The following SLC25A21 variants were observed in gnomAD, a reference collection of about 807,000 sequenced individuals.
SLC25A21 encodes solute carrier family 25 member 21.
SLC25A21 carries 47 observed loss-of-function variants against 43.8 expected under a neutral mutation model. The ratio of observed to expected loss-of-function variants is 1.07; its 90% CI spans 0.85 to 1.37. SLC25A21 has a LOEUF of 1.37. Among genes scored for constraint, SLC25A21 ranks in the 40% most tolerant of loss-of-function variants. SLC25A21 has a pLI of 0.00. For synonymous variants in SLC25A21, 131 were observed against 121.3 expected (o/e 1.08, Z -0.52); for missense variants, 352 against 350.2 (o/e 1.00, Z -0.04).
rs1328598987 is a variant in SLC25A21 at position 36,997,375 on chromosome 14, T to C, written c.71-122371A>G. Among the ~76,000 whole-genome samples, 8 of 151,146 alleles carry C rather than the reference T, an allele frequency of 5.3e-5. 1 individual carries two copies. Among genetic ancestry groups the C allele is most frequent in the Admixed American group, 2.0e-4 (3 of 15,154 alleles). Reference sequence around the variant, plus strand: ...CAGGTGAGACTGAGGAGATGCTTTATGTTCAGCTGAGGATAACAAGTACAG... The same window carrying C: ...CAGGTGAGACTGAGGAGATGCTTTACGTTCAGCTGAGGATAACAAGTACAG... On this transcript the variant is annotated intron_variant, in intron 1 of 9. Transcript: ENST00000331299.
intron 2 of SLC25A21, among the ~76,000 whole-genome samples, chr14:36,863,359 C>T (rs1409403974): frequency 1.3e-5 from 2 of 151,998 alleles, no homozygotes; most frequent in East Asian, 3.9e-4. Context: ...GGAAAAATAG[C>T]TACTATACTC....
At chr14:36,934,739 AGAAAAG>A (rs1183872244) in intron 1 of SLC25A21, among the ~76,000 whole-genome samples, 10 of 151,988 alleles carry the variant, frequency 6.6e-5, no homozygotes, top group Non-Finnish European at 5.9e-5. Flanking sequence ...AGAGAGAGAG[AGAAAAG>A]AAGAAGGGCT....
intron 6 of SLC25A21, among the ~76,000 whole-genome samples, chr14:36,722,505 C>T (rs1884415838): frequency 6.6e-6 from 1 of 152,094 alleles, no homozygotes; most frequent in Non-Finnish European, 1.5e-5. Context: ...GGATGTTGAT[C>T]ATGGGGAAGA....
intron 1 of SLC25A21, among the ~76,000 whole-genome samples, chr14:37,094,311 G>C (rs1455005365): frequency 6.6e-6 from 1 of 152,136 alleles, no homozygotes; most frequent in Non-Finnish European, 1.5e-5. Context: ...GCAACAATCA[G>C]ACACAAAAAG....
chr14:37,052,920 G>A (rs1483659713), intron 1 of SLC25A21, among the ~76,000 whole-genome samples: 1 of 152,182 alleles, frequency 6.6e-6, no homozygotes, highest in Non-Finnish European at 1.5e-5. Flanking sequence ...TTACAGGTAT[G>A]AGCCTTTGCA....
chr14:36,928,779 T>C (rs1443583373), intron 1 of SLC25A21, among the ~76,000 whole-genome samples: 5 of 152,172 alleles, frequency 3.3e-5, no homozygotes, highest in Admixed American at 1.3e-4. Flanking sequence ...TCCTAAAATG[T>C]ACCCCATTTT....
chr14:36,917,193 GC>G (rs1891853788), intron 1 of SLC25A21, among the ~76,000 whole-genome samples: 1 of 151,944 alleles, frequency 6.6e-6, no homozygotes, highest in Admixed American at 6.6e-5. Flanking sequence ...TTCAGTGGTT[GC>G]CAAACACTTA....
chr14:37,076,734 T>G (rs1230835210), intron 1 of SLC25A21, among the ~76,000 whole-genome samples: 4 of 152,154 alleles, frequency 2.6e-5, no homozygotes, highest in African/African-American at 9.7e-5. Flanking sequence ...TCTGCCCACC[T>G]CGGCCTCCCA....
chr14:36,951,373 T>C (rs1419371515), intron 1 of SLC25A21, among the ~76,000 whole-genome samples: 1 of 152,144 alleles, frequency 6.6e-6, no homozygotes, highest in East Asian at 1.9e-4. Flanking sequence ...AATGCAGGGA[T>C]TGCTGACTAG....
At chr14:37,104,083 C>T (rs765435677) in intron 1 of SLC25A21, among the ~76,000 whole-genome samples, 7 of 152,220 alleles carry the variant, frequency 4.6e-5, no homozygotes, top group Non-Finnish European at 8.8e-5. Flanking sequence ...ACAAACTTCC[C>T]TCCTCTTCAG....
At chr14:36,919,550 T>C (rs907188842) in intron 1 of SLC25A21, among the ~76,000 whole-genome samples, 12 of 152,006 alleles carry the variant, frequency 7.9e-5, no homozygotes. Context: ...TGATATTCTA[T>C]AGTACATAAA....
chr14:37,044,914 A>G (rs539357028), intron 1 of SLC25A21, among the ~76,000 whole-genome samples: 16 of 152,200 alleles, frequency 1.1e-4, no homozygotes, highest in Non-Finnish European at 2.1e-4. Flanking sequence ...TGTCTCCCCA[A>G]CATTATTCCA....
chr14:36,740,026 C>A (rs1885190790), intron 3 of SLC25A21, among the ~76,000 whole-genome samples: 2 of 152,170 alleles, frequency 1.3e-5, no homozygotes, highest in South Asian at 4.2e-4. Context: ...GTCTTCTTTG[C>A]TAGGTGTTTC....
At chr14:37,024,825 TTATTTATA>T (rs1555342773) in intron 1 of SLC25A21, among the ~76,000 whole-genome samples, 1 of 152,082 alleles carries the variant, frequency 6.6e-6, no homozygotes, top group Non-Finnish European at 1.5e-5. Context: ...ATTAATCTCC[TTATTTATA>T]TATATCTAGC....
At chr14:37,021,189 T>C (rs1037386335) in intron 1 of SLC25A21, among the ~76,000 whole-genome samples, 6 of 151,906 alleles carry the variant, frequency 3.9e-5, no homozygotes, top group Non-Finnish European at 7.4e-5. Flanking sequence ...TGGATGCAAA[T>C]AGGGTTCCAC....
intron 3 of SLC25A21, among the ~76,000 whole-genome samples, chr14:36,754,816 T>C (rs981779657): frequency 6.6e-6 from 1 of 152,218 alleles, no homozygotes; most frequent in African/African-American, 2.4e-5. Context: ...TACTTGTACT[T>C]TGTCTTCCTA....
intron 3 of SLC25A21, among the ~76,000 whole-genome samples, chr14:36,773,306 A>T (rs896872113): frequency 6.6e-6 from 1 of 152,166 alleles, no homozygotes; most frequent in South Asian, 2.1e-4. Flanking sequence ...AGGGCCTGCC[A>T]TCTAGGGCAT....
rs530675620 is a variant in SLC25A21 at position 37,020,743 on chromosome 14, T to C, written c.71-145739A>G. Among the ~76,000 whole-genome samples the C allele has an allele frequency of 3.3e-5, 5 of 152,024 alleles. No homozygotes were observed. In the South Asian group the frequency reaches 1.0e-3, roughly 31 times the overall value. ...ACAAAATGAATATCAGATGGTGGTTTTGAAAAAGGGCAGACCTAACATGAG... is the reference window on the plus strand; with the variant it reads ...ACAAAATGAATATCAGATGGTGGTTCTGAAAAAGGGCAGACCTAACATGAG... On this transcript the variant is annotated intron_variant, in intron 1 of 9. Transcript: ENST00000331299.
At chr14:36,981,093 T>C (rs1341137089) in intron 1 of SLC25A21, among the ~76,000 whole-genome samples, 3 of 151,660 alleles carry the variant, frequency 2.0e-5, no homozygotes, top group South Asian at 2.1e-4. Flanking sequence ...AAAATGCTCA[T>C]GATCACTGGC....
Sources: gnomAD v4.1 joint callset for allele counts (sites outside exome capture counted in the v4.1 genomes callset) on GRCh38, gnomAD v4.1.1 for gene constraint, MANE v1.5 for transcripts, NCBI Gene and HGNC (gene_info 2026-07-23, HGNC 2026-07-21) for gene names.